Variants in RBM47 observed in about 807,000 individuals in gnomAD.
The protein encoded by RBM47 is RNA-binding protein 47.
Under a neutral mutation model 47.1 loss-of-function variants are expected in RBM47, and 21 were observed. The ratio of observed to expected loss-of-function variants is 0.45; its 90% confidence interval spans 0.32 to 0.64. The LOEUF (loss-of-function observed/expected upper bound fraction) is 0.64. Ranked by LOEUF, RBM47 falls within the 30% of genes least tolerant of loss-of-function variation. The pLI, the probability that RBM47 is intolerant of heterozygous loss-of-function variation, is 0.05. For synonymous variants in RBM47, 375 were observed against 361.7 expected (o/e 1.04, Z -0.42); for missense variants, 708 against 870.9 (o/e 0.81, Z 2.35).
intron 5 of RBM47, among the ~76,000 whole-genome samples, chr4:40,434,517 G>A (rs190856799): frequency 5.9e-5 from 9 of 152,100 alleles, no homozygotes; most frequent in East Asian, 3.9e-4. Context: ...TTAAGCTACC[G>A]TAACTTGCCA....
chr4:40,510,225 G>C (rs558399211), intron 2 of RBM47, among the ~76,000 whole-genome samples: 1 of 151,194 alleles, frequency 6.6e-6, no homozygotes, highest in South Asian at 2.1e-4. Context: ...AACTTACATG[G>C]TAGAGCTCAG....
chr4:40,465,729 G>A (rs1361766426), intron 3 of RBM47, among the ~76,000 whole-genome samples: 2 of 151,824 alleles, frequency 1.3e-5, no homozygotes, highest in Non-Finnish European at 2.9e-5. Context: ...TGCCTCCTTG[G>A]CTCAGTCCTA....
At chr4:40,531,193 TA>T (rs1184044553) in intron 2 of RBM47, among the ~76,000 whole-genome samples, 1 of 151,862 alleles carries the variant, frequency 6.6e-6, no homozygotes, top group Non-Finnish European at 1.5e-5. Context: ...CGATGCAGAT[TA>T]AAAAAGGTGA....
At chr4:40,468,463 G>T (rs75168913) in intron 2 of RBM47, among the ~76,000 whole-genome samples, 1,777 of 152,308 alleles carry the variant, frequency 0.012, 11 homozygotes, top group Non-Finnish European at 0.019. Flanking sequence ...TTGAAGTATA[G>T]GTAGGGGATG....
intron 2 of RBM47, chr4:40,514,513 T>C (rs1198283160): frequency 2.0e-5 from 3 of 152,180 alleles, no homozygotes; most frequent in East Asian, 3.8e-4. Context: ...AGGAAGCACG[T>C]ACCTGCTAAG....
At chr4:40,458,938 C>A (rs1716691529) in intron 3 of RBM47, among the ~76,000 whole-genome samples, 1 of 152,084 alleles carries the variant, frequency 6.6e-6, no homozygotes, top group African/African-American at 2.4e-5. Context: ...TGAGTAGGAA[C>A]CTGCGTCATC....
At chr4:40,495,553 G>A (rs910156081) in intron 2 of RBM47, among the ~76,000 whole-genome samples, 1 of 151,686 alleles carries the variant, frequency 6.6e-6, no homozygotes, top group African/African-American at 2.4e-5. Flanking sequence ...AGCGAGCCAA[G>A]ATCACACCAC....
chr4:40,554,070 A>G (rs1230263654), intron 1 of RBM47, among the ~76,000 whole-genome samples: 1 of 151,502 alleles, frequency 6.6e-6, no homozygotes, highest in African/African-American at 2.5e-5. Flanking sequence ...ACAGTCCCGT[A>G]TTCATCTCCG....
intron 1 of RBM47, among the ~76,000 whole-genome samples, chr4:40,592,187 T>C (rs4861264): frequency 0.19 from 29,414 of 151,990 alleles, 3,317 homozygotes; most frequent in Admixed American, 0.26. Context: ...AGGGGAATCA[T>C]CCGTTTGCAA....
rs74288495 is a variant in RBM47 at position 40,452,192 on chromosome 4, G to A, written c.-31-13268C>T. Among the ~76,000 whole-genome samples the A allele has an allele frequency of 0.036, 5,408 of 151,822 alleles. 490 individuals carry two copies. In the East Asian group the frequency reaches 0.4, roughly 11 times the overall value. On this transcript the variant is annotated intron_variant, in intron 3 of 6. Coordinates refer to ENST00000295971, the MANE Select transcript of RBM47 (RefSeq NM_001098634.2). ...CTCAAAAAAAAAAAAAAGAAGGAAAGGGAGGAGACAGAGCAGAGGGAACAT... is the reference window on the plus strand; with the variant it reads ...CTCAAAAAAAAAAAAAAGAAGGAAAAGGAGGAGACAGAGCAGAGGGAACAT...
chr4:40,470,065 A>G (rs1440297627), intron 2 of RBM47, among the ~76,000 whole-genome samples: 1 of 152,222 alleles, frequency 6.6e-6, no homozygotes, highest in Non-Finnish European at 1.5e-5. Context: ...TGAGAAGGTT[A>G]GTTCCAGTCC....
chr4:40,491,042 G>C (rs757465519), intron 2 of RBM47, among the ~76,000 whole-genome samples: 199 of 152,292 alleles, frequency 1.3e-3, no homozygotes, highest in Non-Finnish European at 2.2e-3. Flanking sequence ...CAGTAAACGA[G>C]ACAGTGTATA....
At chr4:40,573,333 G>A (rs766308827) in intron 1 of RBM47, among the ~76,000 whole-genome samples, 26 of 151,808 alleles carry the variant, frequency 1.7e-4, no homozygotes, top group Non-Finnish European at 3.5e-4. Flanking sequence ...TTTGTGTTCT[G>A]TGTTTCTCCA....
intron 2 of RBM47, among the ~76,000 whole-genome samples, chr4:40,489,167 AT>A (rs1721526490): frequency 6.6e-6 from 1 of 152,232 alleles, no homozygotes; most frequent in Non-Finnish European, 1.5e-5. Context: ...CTGTTTCAGC[AT>A]TGGTCACTCA....
At chr4:40,584,437 AT>A (rs1246801769) in intron 1 of RBM47, among the ~76,000 whole-genome samples, 1 of 152,232 alleles carries the variant, frequency 6.6e-6, no homozygotes, top group East Asian at 1.9e-4. Context: ...TAGAAGCCAC[AT>A]TTTAAAAGCG....
At chr4:40,470,433 C>A (rs1245496047) in intron 2 of RBM47, among the ~76,000 whole-genome samples, 1 of 152,130 alleles carries the variant, frequency 6.6e-6, no homozygotes, top group East Asian at 1.9e-4. Context: ...TGAGGGCAAG[C>A]ATTTATTGGA....
rs60524903 is a variant in RBM47 at position 40,527,436 on chromosome 4, ATTTTT to A, written c.-155+16981_-155+16985del. On this transcript the variant is annotated intron_variant, in intron 2 of 6. Coordinates refer to ENST00000295971, the MANE Select transcript of RBM47 (RefSeq NM_001098634.2). Reference sequence around the variant, plus strand: ...CAAGTAGCTGAGATCACACCTGGCAATTTTTTTTTTTTTTTTTTTTTTTTTGTATT... The same window carrying A: ...CAAGTAGCTGAGATCACACCTGGCAATTTTTTTTTTTTTTTTTTTTGTATT... Among the ~76,000 whole-genome samples the A allele has an allele frequency of 4.2e-3, 443 of 104,714 alleles. 1 individual carries two copies. Among genetic ancestry groups the A allele is most frequent in the Middle Eastern group, 0.021 (3 of 146 alleles). The allele number at this position is 104,714 out of a possible 152,430, so 68.7% of individuals were successfully genotyped here. A position where few individuals can be genotyped will look rare whatever the true frequency, so the allele number is the denominator to read the frequency against.
At chr4:40,611,856 T>C (rs1736291877) in intron 1 of RBM47, among the ~76,000 whole-genome samples, 2 of 152,214 alleles carry the variant, frequency 1.3e-5, no homozygotes, top group South Asian at 4.1e-4. Context: ...GAGATTAAAC[T>C]GGGACATCTT....
chr4:40,611,626 G>C (rs1052675662), intron 1 of RBM47, among the ~76,000 whole-genome samples: 5 of 152,144 alleles, frequency 3.3e-5, no homozygotes, highest in African/African-American at 1.2e-4. Flanking sequence ...CTACCAGGAG[G>C]CTGAGGCAGG....
Sources: allele counts gnomAD v4.1 joint callset (sites outside exome capture counted in the v4.1 genomes callset), GRCh38; gene constraint gnomAD v4.1.1; transcripts MANE v1.5; gene names NCBI Gene and HGNC (gene_info 2026-07-23, HGNC 2026-07-21).